The following P4HB variants were observed in gnomAD, a reference collection of about 807,000 sequenced individuals.
The protein encoded by P4HB is protein disulfide-isomerase.
A neutral mutation model predicts 52.6 loss-of-function variants in P4HB; 20 were observed. That is an observed-to-expected ratio of 0.38 (90% CI 0.27 to 0.55). The LOEUF (loss-of-function observed/expected upper bound fraction) is 0.55, where lower values mean the gene tolerates loss of function less well. Ranked by LOEUF, P4HB falls within the 20% of genes least tolerant of loss-of-function variation. The pLI is 0.74. For missense variants in P4HB, 601 were observed against 669.2 expected (o/e 0.90, Z 1.12); for synonymous variants, 296 against 277.9 (o/e 1.07, Z -0.65).
intron 4 of P4HB, among the ~76,000 whole-genome samples, chr17:81,851,920 C>A (rs1018122816): frequency 6.6e-6 from 1 of 152,224 alleles, no homozygotes. Flanking sequence ...GTATGGCTCA[C>A]GCCTGTAACC....
At chr17:81,844,195 C>T (rs1026699853) in intron 10 of P4HB, 103 bp from the exon 11 acceptor site, 4 of 859,712 alleles carry the variant, frequency 4.7e-6, no homozygotes, top group Middle Eastern at 3.2e-4. Flanking sequence ...TAGCCGGCCA[C>T]GGCGGACATG....
In P4HB at chr17:81,847,686, T is replaced by C. The variant is rs2038758666; in HGVS notation, c.625-339A>G. 3 of 318,400 alleles carry C rather than the reference T, an allele frequency of 9.4e-6. No homozygotes were observed. In the Admixed American group the frequency reaches 1.2e-4, roughly 13 times the overall value. The allele number at this position is 318,400 out of a possible 1,614,324, so 19.7% of individuals were successfully genotyped here. On this transcript the variant is annotated intron_variant, in intron 4 of 10. Coordinates refer to ENST00000331483, the MANE Select transcript of P4HB (RefSeq NM_000918.4). ...CATGTGGTCAAAGCTATTTTCTTTTTTATTTGTTTTTGAGACAGTCTCGCT... is the reference window on the plus strand; with the variant it reads ...CATGTGGTCAAAGCTATTTTCTTTTCTATTTGTTTTTGAGACAGTCTCGCT...
chr17:81,851,211 T>C (rs2038826044), intron 4 of P4HB, among the ~76,000 whole-genome samples: 1 of 152,234 alleles, frequency 6.6e-6, no homozygotes, highest in Non-Finnish European at 1.5e-5. Flanking sequence ...ATTACAGGCA[T>C]GAGCCCCTGC....
At position 81,855,123 on chromosome 17, in the gene P4HB, G is replaced by C. The variant is rs200170064; in HGVS notation, c.624+19C>G. On this transcript the variant is annotated intron_variant, in intron 4 of 10. Coordinates refer to ENST00000331483, the MANE Select transcript of P4HB (RefSeq NM_000918.4). This position sits in a 1 kb window ranked among gnomAD's most constrained non-coding sequence, Gnocchi z 4.3. ...CAACCCCAGAACTAACCTGGGCAGA[G>C]CTGCCTGGGGCCACTCACCTTCTTA... 8 of 1,613,414 alleles carry C rather than the reference G, an allele frequency of 5.0e-6. No individual in the cohort carries two copies. Among genetic ancestry groups the C allele is most frequent in the East Asian group, 2.2e-5 (1 of 44,896 alleles).
chr17:81,843,866 A>G lies in P4HB; in HGVS notation c.*146T>C. 1.4e-6 allele frequency: 1 copy of G among 702,110 alleles called. No individual in the cohort carries two copies. Among genetic ancestry groups the G allele is most frequent in the Non-Finnish European group, 2.6e-6 (1 of 386,918 alleles). 43.5% of individuals were successfully genotyped at this position (702,110 alleles called of 1,614,324 possible). A position where few individuals can be genotyped will look rare whatever the true frequency, so the allele number is the denominator to read the frequency against. On this transcript the variant is annotated 3_prime_UTR_variant, in exon 11 of 11. Transcript: ENST00000331483. ...AGACGGGGGTGAACGGACGGTGTGT[A>G]GGGGTGAGGTGTCACTTCAGAGAGG...
In P4HB at chr17:81,847,367, C is replaced by G; in HGVS notation, c.625-20G>C. The G allele has an allele frequency of 6.3e-7, 1 of 1,592,804 alleles. No homozygotes were observed. Among genetic ancestry groups the G allele is most frequent in the African/African-American group, 1.3e-5 (1 of 74,656 alleles). ...ATCAAACTGTGGACAGAAAGAGGGC[C>G]CTGACTGAGCATTGCTGCTGGGAGC... On this transcript the variant is annotated intron_variant, in intron 4 of 10. Coordinates refer to ENST00000331483, the MANE Select transcript of P4HB (RefSeq NM_000918.4).
At chr17:81,856,685 T>C (rs1277036219) in intron 2 of P4HB, among the ~76,000 whole-genome samples, 3 of 148,980 alleles carry the variant, frequency 2.0e-5, no homozygotes, top group Non-Finnish European at 3.0e-5. Flanking sequence ...TCTACCTCTG[T>C]CGTCCAGGCT....
rs773197148 is a variant in P4HB, at chr17:81,860,435, C to T, written c.37G>A (p.Ala13Thr). 1.4e-6 allele frequency: 2 copies of T among 1,409,690 alleles called. No homozygotes were observed. The highest frequency in any genetic ancestry group is 3.0e-5 in the Admixed American group (1 of 33,282). 87.3% of individuals were successfully genotyped at this position (1,409,690 alleles called of 1,614,324 possible). Residue 13 changes from alanine (A) to threonine (T), a missense_variant, in exon 1 of 11, where the codon GCC becomes ACC. Transcript: ENST00000331483. ...TCGGGGGCGTCGGCGCGCACCAGGGCGGCCACGGCCAGGCACAGCAGAGCG... is the reference window on the plus strand; with the variant it reads ...TCGGGGGCGTCGGCGCGCACCAGGGTGGCCACGGCCAGGCACAGCAGAGCG... ...RRALLCLAVA[A>T]LVRADAPEEE...
In P4HB at chr17:81,859,202, C is replaced by A; in HGVS notation, c.331G>T (p.Ala111Ser). The change falls in exon 2 of 11, where the codon GCT becomes TCT. Residue 111 changes from alanine to serine, a missense_variant. Ala to Ser is a moderately conservative substitution (Grantham distance 99). Transcript: ENST00000331483. ...ACACCTGTATATTCCTTGGGGGAAG[C>A]CGTGTCTCCATTCCTGAAGAACTTG... ...TIKFFRNGDT[A>S]SPKEYTAGRE... 1.9e-6 allele frequency: 3 copies of A among 1,613,904 alleles called. No individual in the cohort carries two copies. The highest frequency in any genetic ancestry group is 2.5e-6 in the Non-Finnish European group (3 of 1,179,974).
chr17:81,845,832 G>A (rs1214792505), intron 8 of P4HB, 39 bp downstream of exon 8: 8 of 1,613,936 alleles, frequency 5.0e-6, no homozygotes, highest in Non-Finnish European at 6.8e-6. Flanking sequence ...CGCGTGCCCT[G>A]GTGGCACGGA....
intron 2 of P4HB, among the ~76,000 whole-genome samples, chr17:81,857,532 A>G (rs2038930528): frequency 6.6e-6 from 1 of 152,190 alleles, no homozygotes; most frequent in Non-Finnish European, 1.5e-5. Flanking sequence ...AGCAGGCCTC[A>G]TTTTAGAGAG....
rs753302614 is a variant in P4HB, at chr17:81,855,429, A to C, written c.486+24T>G. ...CCTCAATGGATGACGGAAGGAAGGA[A>C]GACTGGAATGCTCTGGTCTCTACCT... On this transcript the variant is annotated intron_variant, in intron 3 of 10. Coordinates refer to ENST00000331483, the MANE Select transcript of P4HB (RefSeq NM_000918.4). This position sits in a 1 kb window ranked among gnomAD's most constrained non-coding sequence, Gnocchi z 4.3. 1.2e-6 allele frequency: 2 copies of C among 1,601,884 alleles called. No individual in the cohort carries two copies. The highest frequency in any genetic ancestry group is 1.1e-5 in the South Asian group (1 of 90,202).
At chr17:81,858,880 T>A in intron 2 of P4HB, 1 of 382,296 alleles carries the variant, frequency 2.6e-6, no homozygotes, top group East Asian at 5.5e-5. Flanking sequence ...AAACAGCCCA[T>A]GTGGCCAGAA....
At position 81,843,585 on chromosome 17, in the gene P4HB, G is replaced by A; in HGVS notation, c.*427C>T. ...TCCGTCCCTCCCACACGGGGGACAA[G>A]CTTCTCCGAGGAGGCCTGGCCAAGG... On this transcript the variant is annotated 3_prime_UTR_variant, in exon 11 of 11. Coordinates refer to ENST00000331483, the MANE Select transcript of P4HB (RefSeq NM_000918.4). 4.5e-6 allele frequency: 2 copies of A among 443,298 alleles called. No individual in the cohort carries two copies. Among genetic ancestry groups the A allele is most frequent in the Non-Finnish European group, 7.9e-6 (2 of 252,412 alleles). The allele number at this position is 443,298 out of a possible 1,614,324, so 27.5% of individuals were successfully genotyped here.
At chr17:81,858,238 C>T (rs1304998752) in intron 2 of P4HB, among the ~76,000 whole-genome samples, 2 of 119,228 alleles carry the variant, frequency 1.7e-5, no homozygotes, top group Admixed American at 9.9e-5. Context: ...CACCACTGCA[C>T]GACAGAGCGA....
At position 81,860,390 on chromosome 17, in the gene P4HB, C is replaced by T; in HGVS notation, c.82G>A (p.Val28Met). 1.4e-6 allele frequency: 2 copies of T among 1,467,602 alleles called. No individual in the cohort carries two copies. Among genetic ancestry groups the T allele is most frequent in the Non-Finnish European group, 1.8e-6 (2 of 1,108,250 alleles). The allele number at this position is 1,467,602 out of a possible 1,614,324, so 90.9% of individuals were successfully genotyped here. The change falls in exon 1 of 11, where the codon GTG (valine) becomes ATG (methionine). Residue 28 changes from valine to methionine, a missense_variant. Transcript: ENST00000331483. ...DAPEEEDHVL[V>M]LRKSNFAEAL... ...TCCGCGAAGTTGCTTTTCCGCAGCACCAGGACGTGGTCCTCCTCCTCGGGG... is the reference window on the plus strand; with the variant it reads ...TCCGCGAAGTTGCTTTTCCGCAGCATCAGGACGTGGTCCTCCTCCTCGGGG...
chr17:81,859,387 T>G lies in P4HB; in HGVS notation c.146A>C (p.Tyr49Ser). ...AAHKYLLVEF[Y>S]APWCGHCKAL... ...CTTGCAGTGGCCACACCAAGGGGCA[T>G]CTGGAAGCGGAAATGAGATGCTAGA... Residue 49 changes from tyrosine (Y) to serine (S), a missense_variant and splice_region_variant, in exon 2 of 11, where the codon TAT becomes TCT. Coordinates refer to ENST00000331483, the MANE Select transcript of P4HB (RefSeq NM_000918.4). 1 of 1,612,158 alleles carries G rather than the reference T, an allele frequency of 6.2e-7. No individual in the cohort carries two copies. Among genetic ancestry groups the G allele is most frequent in the Non-Finnish European group, 8.5e-7 (1 of 1,178,706 alleles).
chr17:81,857,086 G>C (rs891965344), intron 2 of P4HB, among the ~76,000 whole-genome samples: 5 of 152,070 alleles, frequency 3.3e-5, no homozygotes, highest in African/African-American at 1.2e-4. Flanking sequence ...CCCAGCCCTA[G>C]CTAATTTTTG....
At position 81,846,411 on chromosome 17, in the gene P4HB, C is replaced by T. The variant is rs768536599; in HGVS notation, c.1056+18G>A. 1 of 1,612,518 alleles carries T rather than the reference C, an allele frequency of 6.2e-7. No homozygotes were observed. The highest frequency in any genetic ancestry group is 1.1e-5 in the South Asian group (1 of 91,078). On this transcript the variant is annotated intron_variant, in intron 7 of 10. Coordinates refer to ENST00000331483, the MANE Select transcript of P4HB (RefSeq NM_000918.4). The surrounding 1 kb of genome is among the most constrained non-coding windows in gnomAD (Gnocchi z 5.7). ...GCTCTACCCGGGAGGCAGCCCTGGC[C>T]CGGGGACGCGCCTGCACCTTGATTT... is the stretch of plus-strand genomic sequence containing the variant.
Sources: gnomAD v4.1 joint callset for allele counts (sites outside exome capture counted in the v4.1 genomes callset) on GRCh38, gnomAD v4.1.1 for gene constraint, Gnocchi (gnomAD v3.1) non-coding constraint, MANE v1.5 for transcripts, NCBI Gene and HGNC (gene_info 2026-07-23, HGNC 2026-07-21) for gene names.